Variants in BACH2 observed in about 807,000 individuals in gnomAD.
BACH2 encodes transcription regulator protein BACH2.
In BACH2, 5 loss-of-function variants were observed where a neutral mutation model predicts 61.8. The observed-to-expected ratio is 0.08, with a 90% confidence interval of 0.04 to 0.17. The LOEUF (loss-of-function observed/expected upper bound fraction) is 0.17. Ranked by LOEUF, BACH2 falls within the 10% of genes least tolerant of loss-of-function variation. The pLI is 1.00. For synonymous variants in BACH2, 446 were observed against 440.1 expected (o/e 1.01, Z -0.17); for missense variants, 824 against 1,091.1 (o/e 0.76, Z 3.45).
intron 2 of BACH2, among the ~76,000 whole-genome samples, chr6:90,263,768 G>GGACT (rs1771239238): frequency 6.6e-6 from 1 of 152,140 alleles, no homozygotes; most frequent in Admixed American, 6.5e-5. Flanking sequence ...TGTCAGGAAA[G>GGACT]GACTCCCATG....
intron 5 of BACH2, among the ~76,000 whole-genome samples, chr6:90,010,544 A>G (rs1350729352): frequency 6.6e-6 from 1 of 152,232 alleles, no homozygotes; most frequent in Non-Finnish European, 1.5e-5. Context: ...TTACAAATAA[A>G]GCTGCTGTGA....
At chr6:90,208,673 T>C (rs1769233969) in intron 3 of BACH2, among the ~76,000 whole-genome samples, 1 of 152,160 alleles carries the variant, frequency 6.6e-6, no homozygotes, top group Non-Finnish European at 1.5e-5. Flanking sequence ...GAACTAGAAA[T>C]ACCATTTGAC....
intron 7 of BACH2, among the ~76,000 whole-genome samples, chr6:89,942,060 A>T (rs1345704992): frequency 6.6e-6 from 1 of 152,122 alleles, no homozygotes; most frequent in Non-Finnish European, 1.5e-5. Context: ...GGTCAACTAT[A>T]GACTTTCTCC....
chr6:90,035,140 T>G (rs1174294968), intron 5 of BACH2, among the ~76,000 whole-genome samples: 1 of 152,070 alleles, frequency 6.6e-6, no homozygotes, highest in Non-Finnish European at 1.5e-5. Context: ...CACAGTTGAG[T>G]AAATAGCACA....
At chr6:90,227,228 C>T (rs1351463743) in intron 3 of BACH2, among the ~76,000 whole-genome samples, 1 of 152,200 alleles carries the variant, frequency 6.6e-6, no homozygotes, top group Non-Finnish European at 1.5e-5. Flanking sequence ...TCTTAATACA[C>T]ATAAAGTGTT....
At position 90,295,971 on chromosome 6, in the gene BACH2, G is replaced by C. The variant is rs532371418; in HGVS notation, c.-446+509C>G. Among the ~76,000 whole-genome samples the C allele has an allele frequency of 2.6e-5, 4 of 152,148 alleles. No individual in the cohort carries two copies. In the East Asian group the frequency reaches 5.9e-4, roughly 22 times the overall value. ...GCCAAGGTCCTCGCGGAGCAGCCCG[G>C]GATGCGCACGCCGAGGGTTAAGGAG... On this transcript the variant is annotated intron_variant, in intron 1 of 8. Transcript: ENST00000257749.
chr6:90,051,353 T>G (rs187963927), intron 5 of BACH2, among the ~76,000 whole-genome samples: 194 of 152,342 alleles, frequency 1.3e-3, no homozygotes, highest in Non-Finnish European at 1.9e-3. Context: ...ACATCAGTCT[T>G]ACTGTTAGTA....
At chr6:90,188,131 C>T (rs1421765845) in intron 4 of BACH2, among the ~76,000 whole-genome samples, 2 of 152,338 alleles carry the variant, frequency 1.3e-5, no homozygotes, top group East Asian at 1.9e-4. Context: ...TTCAGGCTCC[C>T]CAACTCCTTT....
rs913452461 is a variant in BACH2 at position 90,035,560 on chromosome 6, C to T, written c.-12-26704G>A. Among the ~76,000 whole-genome samples, 6 of 152,108 alleles carry T rather than the reference C, an allele frequency of 3.9e-5. 1 individual carries two copies. The highest frequency in any genetic ancestry group is 6.8e-3 in the Middle Eastern group (2 of 294). The stretch of plus-strand genomic sequence containing the variant: ...ATGGAGAAACAGATGGAAAATTCAC[C>T]GGGACTAAAATCTTAGGCATTATTT... On this transcript the variant is annotated intron_variant, in intron 5 of 8. Coordinates refer to ENST00000257749, the MANE Select transcript of BACH2 (RefSeq NM_021813.4).
chr6:90,182,984 AC>A (rs1768220381), intron 4 of BACH2, among the ~76,000 whole-genome samples: 1 of 152,172 alleles, frequency 6.6e-6, no homozygotes, highest in African/African-American at 2.4e-5. Context: ...TGAACTTAAA[AC>A]TGCACTAATA....
chr6:89,938,924 A>T (rs959251983), intron 7 of BACH2, among the ~76,000 whole-genome samples: 1 of 152,108 alleles, frequency 6.6e-6, no homozygotes, highest in African/African-American at 2.4e-5. Context: ...CAGACATGAG[A>T]CCTCAGGCTA....
intron 3 of BACH2, among the ~76,000 whole-genome samples, chr6:90,234,472 C>G (rs1434803172): frequency 3.3e-5 from 5 of 152,162 alleles, no homozygotes; most frequent in Non-Finnish European, 5.9e-5. Context: ...TAAACCTTAG[C>G]CTGAAAAAGC....
intron 5 of BACH2, among the ~76,000 whole-genome samples, chr6:90,021,825 T>C (rs1778393863): frequency 6.6e-6 from 1 of 152,238 alleles, no homozygotes; most frequent in Non-Finnish European, 1.5e-5. Flanking sequence ...TTAATGTCCC[T>C]AATGCCTTAG....
At chr6:90,238,684 C>T (rs1445759941) in intron 3 of BACH2, among the ~76,000 whole-genome samples, 2 of 152,198 alleles carry the variant, frequency 1.3e-5, no homozygotes. Flanking sequence ...GATGGCTTTC[C>T]AACCACAGCT....
intron 4 of BACH2, among the ~76,000 whole-genome samples, chr6:90,115,025 C>T (rs1783332403): frequency 6.6e-6 from 1 of 151,976 alleles, no homozygotes; most frequent in Admixed American, 6.6e-5. Flanking sequence ...TTAGAGAAGA[C>T]ACAAACAAAT....
At chr6:90,273,237 A>C (rs1230839522) in intron 1 of BACH2, among the ~76,000 whole-genome samples, 1 of 152,120 alleles carries the variant, frequency 6.6e-6, no homozygotes, top group Non-Finnish European at 1.5e-5. Context: ...ACACACCTGT[A>C]GTCCTGGCTA....
At chr6:90,010,061 G>T (rs953487916) in intron 5 of BACH2, among the ~76,000 whole-genome samples, 7 of 152,172 alleles carry the variant, frequency 4.6e-5, no homozygotes, top group African/African-American at 1.7e-4. Context: ...TTCCAGTAGC[G>T]AGTCCTACTT....
chr6:89,963,307 T>C (rs1235833729), intron 6 of BACH2, among the ~76,000 whole-genome samples: 1 of 151,172 alleles, frequency 6.6e-6, no homozygotes, highest in East Asian at 1.9e-4. Context: ...TGTTTGTTTT[T>C]GTTTTTAAGA....
intron 4 of BACH2, among the ~76,000 whole-genome samples, chr6:90,093,664 T>C (rs921694504): frequency 2.8e-4 from 43 of 152,192 alleles, no homozygotes; most frequent in African/African-American, 9.6e-4. Context: ...TATTTCAGAC[T>C]CCAGAAGCCC....
Sources: allele counts gnomAD v4.1 joint callset (sites outside exome capture counted in the v4.1 genomes callset), GRCh38; gene constraint gnomAD v4.1.1; transcripts MANE v1.5; gene names NCBI Gene and HGNC (gene_info 2026-07-23, HGNC 2026-07-21).